FBXO31: variants seen among roughly 807,000 people sequenced by gnomAD.
FBXO31 encodes F-box protein 31.
Under a neutral mutation model 54.4 loss-of-function variants are expected in FBXO31, and 24 were observed. That is an observed-to-expected ratio of 0.44 (90% CI 0.32 to 0.62). FBXO31 has a LOEUF of 0.62. FBXO31 is among the 20% of genes least tolerant of loss of function. The pLI is 0.05. For missense variants in FBXO31, 665 were observed against 787.1 expected (o/e 0.84, Z 1.86); for synonymous variants, 388 against 335.6 (o/e 1.16, Z -1.71).
rs1220325782 is a variant in FBXO31, at chr16:87,331,426, G to A, written c.1482C>T (p.Asp494=). ...GCTCCAGCCAGACGAACCCGAAGCG[G>A]TCCTCATCGAAGAGGATGAAGACCC... The part of the protein sequence containing the change: ...TPGVFILFDE[D]RFGFVWLELK... The change falls in exon 9 of 9, where the codon GAC becomes GAT. Residue 494 remains aspartate (D), a synonymous_variant. Transcript: ENST00000311635. 1.2e-6 allele frequency: 2 copies of A among 1,613,720 alleles called. No individual in the cohort carries two copies. Among genetic ancestry groups the A allele is most frequent in the African/African-American group, 2.7e-5 (2 of 74,944 alleles).
chr16:87,357,191 G>C (rs943756569), intron 2 of FBXO31, among the ~76,000 whole-genome samples: 2 of 151,900 alleles, frequency 1.3e-5, no homozygotes, highest in African/African-American at 4.8e-5. Context: ...GATACAATGA[G>C]CTGTAATTGT....
chr16:87,350,761 T>C (rs1011310197), intron 2 of FBXO31, among the ~76,000 whole-genome samples: 1 of 152,074 alleles, frequency 6.6e-6, no homozygotes, highest in African/African-American at 2.4e-5. Context: ...TCTCTCCTCC[T>C]ATCCCCTCCC....
chr16:87,341,418 G>A (rs1254624796), intron 5 of FBXO31, among the ~76,000 whole-genome samples: 1 of 152,124 alleles, frequency 6.6e-6, no homozygotes, highest in Non-Finnish European at 1.5e-5. Flanking sequence ...CACTTTGGGA[G>A]GCCGAGATGG....
Position 87,358,837 on chromosome 16 carries a change from C to A in FBXO31, c.412+1458G>T, listed in dbSNP as rs1283840755. 6.6e-6 allele frequency among the ~76,000 whole-genome samples: 1 copy of A among 152,144 alleles called. No homozygotes were observed. Among genetic ancestry groups the A allele is most frequent in the Non-Finnish European group, 1.5e-5 (1 of 68,022 alleles). On this transcript the variant is annotated intron_variant, in intron 2 of 8. Transcript: ENST00000311635. The surrounding 1 kb of genome is among the most constrained non-coding windows in gnomAD (Gnocchi z 4.0). ...GCTCAGGAGGTGGGAGGGCAGGTGT[C>A]CTGGCAGGTGAGCATCTGGGATGAC...
rs1162800027 is a variant in FBXO31, at chr16:87,327,406, C to T, written c.*3882G>A. The T allele has an allele frequency of 6.5e-6, 1 of 152,926 alleles. No individual in the cohort carries two copies. Among genetic ancestry groups the T allele is most frequent in the African/African-American group, 2.4e-5 (1 of 41,476 alleles). The allele number at this position is 152,926 out of a possible 1,614,324, so 9.5% of individuals were successfully genotyped here. On this transcript the variant is annotated 3_prime_UTR_variant, in exon 9 of 9. Transcript: ENST00000311635. ...GGCGCAGGGGCTCACGCCTGTAATC[C>T]CAGCACTTTGGGAGGCCGAGGCGGG... is the stretch of plus-strand genomic sequence containing the variant.
At chr16:87,371,008 C>T (rs1027257375) in intron 1 of FBXO31, among the ~76,000 whole-genome samples, 1 of 152,170 alleles carries the variant, frequency 6.6e-6, no homozygotes, top group Non-Finnish European at 1.5e-5. Flanking sequence ...CGGCACTCCC[C>T]AACACTCCCA....
intron 4 of FBXO31, 95 bp from the exon 5 acceptor site, chr16:87,343,046 A>G: frequency 9.8e-7 from 1 of 1,019,974 alleles, no homozygotes; most frequent in Non-Finnish European, 1.5e-6. Context: ...CCCCTCCCTC[A>G]CCACACCCAC....
intron 1 of FBXO31, chr16:87,367,236 G>A (rs1218755263): frequency 6.6e-6 from 1 of 152,244 alleles, no homozygotes; most frequent in East Asian, 1.9e-4. Flanking sequence ...AAGCAGGGAT[G>A]AAATGATACT....
In FBXO31 at chr16:87,336,116, G is replaced by C. The variant is rs752705384; in HGVS notation, c.842+39C>G. ...AGGGCTGGTCCCCAGCACACACCAG[G>C]AGAGGGCTACCCCAGCACCGAGCAG... is the stretch of plus-strand genomic sequence containing the variant. On this transcript the variant is annotated intron_variant, in intron 6 of 8. Transcript: ENST00000311635. The surrounding 1 kb of genome is among the most constrained non-coding windows in gnomAD (Gnocchi z 6.5). The C allele has an allele frequency of 1.7e-5, 27 of 1,569,338 alleles. No homozygotes were observed. The highest frequency in any genetic ancestry group is 3.5e-4 in the Middle Eastern group (2 of 5,794).
In FBXO31 at chr16:87,383,739, C is replaced by T. The variant is rs903755859; in HGVS notation, c.6G>A (p.Ala2=). Residue 2 remains alanine (A), a synonymous_variant, in exon 1 of 9, where the codon GCG becomes GCA. Coordinates refer to ENST00000311635, the MANE Select transcript of FBXO31 (RefSeq NM_024735.5). The surrounding 1 kb of genome is among the most constrained non-coding windows in gnomAD (Gnocchi z 4.9). ...CCACGCCGCAAAGGCGAGCACACAC[C>T]GCCATGCCGCCCAGTGACGGCCACT... M[A]VCARLCGVGP... 1.9e-5 allele frequency: 23 copies of T among 1,214,792 alleles called. No homozygotes were observed. The highest frequency in any genetic ancestry group is 8.0e-5 in the African/African-American group (5 of 62,816). The allele number at this position is 1,214,792 out of a possible 1,614,324, so 75.3% of individuals were successfully genotyped here. A position where few individuals can be genotyped will look rare whatever the true frequency, so the allele number is the denominator to read the frequency against.
chr16:87,336,320 T>G lies in FBXO31; in HGVS notation c.733-56A>C. 4 of 1,488,960 alleles carry G rather than the reference T, an allele frequency of 2.7e-6. No homozygotes were observed. The highest frequency in any genetic ancestry group is 3.7e-6 in the Non-Finnish European group (4 of 1,071,268). The allele number at this position is 1,488,960 out of a possible 1,614,324, so 92.2% of individuals were successfully genotyped here. A position where few individuals can be genotyped will look rare whatever the true frequency, so the allele number is the denominator to read the frequency against. On this transcript the variant is annotated intron_variant, in intron 5 of 8. Coordinates refer to ENST00000311635, the MANE Select transcript of FBXO31 (RefSeq NM_024735.5). The surrounding 1 kb of genome is among the most constrained non-coding windows in gnomAD (Gnocchi z 6.5). Reference sequence around the variant, plus strand: ...ATATGACAGGAGGCTGTGAAGAGGCTGCCGGCTGTGCCGCTGAGAGGACAC... The same window carrying G: ...ATATGACAGGAGGCTGTGAAGAGGCGGCCGGCTGTGCCGCTGAGAGGACAC...
At chr16:87,357,286 G>A (rs142258838) in intron 2 of FBXO31, among the ~76,000 whole-genome samples, 60 of 150,300 alleles carry the variant, frequency 4.0e-4, no homozygotes, top group African/African-American at 1.4e-3. Context: ...TATAACTGTG[G>A]CTTAGAAAAA....
chr16:87,392,028 A>C (rs1907578972), upstream of FBXO31: 2 of 178,814 alleles, frequency 1.1e-5, no homozygotes, highest in Non-Finnish European at 1.2e-5. Context: ...AGGGCCGGGC[A>C]GCAGGCTCCC....
chr16:87,385,185 G>A (rs540705088), upstream of FBXO31, among the ~76,000 whole-genome samples: 9 of 152,274 alleles, frequency 5.9e-5, no homozygotes, highest in African/African-American at 2.2e-4. Flanking sequence ...TAGGCCGGGC[G>A]CGGTGGCTCA....
rs1425514565 is a variant in FBXO31, at chr16:87,336,320, T to TCA, written c.733-57_733-56insTG. The TCA allele has an allele frequency of 2.8e-5, 41 of 1,488,842 alleles. No individual in the cohort carries two copies. Among genetic ancestry groups the TCA allele is most frequent in the Non-Finnish European group, 3.6e-5 (39 of 1,071,276 alleles). 92.2% of individuals were successfully genotyped at this position (1,488,842 alleles called of 1,614,324 possible). ...ATATGACAGGAGGCTGTGAAGAGGC[T>TCA]GCCGGCTGTGCCGCTGAGAGGACAC... On this transcript the variant is annotated intron_variant, in intron 5 of 8. Coordinates refer to ENST00000311635, the MANE Select transcript of FBXO31 (RefSeq NM_024735.5). This position sits in a 1 kb window ranked among gnomAD's most constrained non-coding sequence, Gnocchi z 6.5.
At chr16:87,377,693 G>A (rs1382661331) in intron 1 of FBXO31, among the ~76,000 whole-genome samples, 1 of 151,016 alleles carries the variant, frequency 6.6e-6, no homozygotes, top group African/African-American at 2.4e-5. Flanking sequence ...GCTGGGTGTG[G>A]TGGTGCACGC....
At chr16:87,339,511 G>A (rs73248580) in intron 5 of FBXO31, among the ~76,000 whole-genome samples, 10 of 152,332 alleles carry the variant, frequency 6.6e-5, no homozygotes, top group African/African-American at 2.4e-4. Context: ...CTGCAGAAGA[G>A]GAGAGGCTGC....
At chr16:87,351,360 T>A (rs1174282965) in intron 2 of FBXO31, among the ~76,000 whole-genome samples, 1 of 152,118 alleles carries the variant, frequency 6.6e-6, no homozygotes, top group Admixed American at 6.6e-5. Context: ...TAGATGCCTA[T>A]CTTTCTAAAT....
chr16:87,357,124 A>C (rs577128653), intron 2 of FBXO31, among the ~76,000 whole-genome samples: 2 of 152,234 alleles, frequency 1.3e-5, no homozygotes, highest in Admixed American at 1.3e-4. Context: ...ACACGCCTCT[A>C]GTCCCAGCTA....
Sources: gnomAD v4.1 joint callset for allele counts (sites outside exome capture counted in the v4.1 genomes callset) on GRCh38, gnomAD v4.1.1 for gene constraint, Gnocchi (gnomAD v3.1) non-coding constraint, MANE v1.5 for transcripts, NCBI Gene and HGNC (gene_info 2026-07-23, HGNC 2026-07-21) for gene names.